Variants in TPH1 observed in about 807,000 individuals in gnomAD.
The protein encoded by TPH1 is tryptophan hydroxylase 1.
Under a neutral mutation model 49.5 loss-of-function variants are expected in TPH1, and 37 were observed. That is an observed-to-expected ratio of 0.75 (90% confidence interval 0.58 to 0.98). TPH1 has a LOEUF of 0.98. Ranked by LOEUF, TPH1 falls within the 50% of genes least tolerant of loss-of-function variation. The pLI is 0.00. For synonymous variants in TPH1, 160 were observed against 182.1 expected (o/e 0.88, Z 0.98); for missense variants, 487 against 523.6 (o/e 0.93, Z 0.68).
intron 6 of TPH1, 85 bp from the exon 7 acceptor site, chr11:18,026,710 G>C: frequency 6.6e-7 from 1 of 1,518,264 alleles, no homozygotes; most frequent in South Asian, 1.1e-5. Context: ...GTGGCACCAA[G>C]TAACACGTTG....
intron 1 of TPH1, among the ~76,000 whole-genome samples, chr11:18,044,374 A>T (rs1848123205): frequency 6.6e-6 from 1 of 152,094 alleles, no homozygotes; most frequent in Non-Finnish European, 1.5e-5. Flanking sequence ...GTGAGCCAGG[A>T]TCACGCCACT....
chr11:18,044,339 T>G (rs574291503), intron 1 of TPH1, among the ~76,000 whole-genome samples: 44 of 152,094 alleles, frequency 2.9e-4, no homozygotes, highest in South Asian at 8.3e-4. Flanking sequence ...GGAGAATGGC[T>G]TGAACCTGGG....
chr11:18,033,406 C>T (rs1848011911), intron 3 of TPH1, 32 bp from the exon 4 acceptor site: 2 of 1,479,170 alleles, frequency 1.4e-6, no homozygotes, highest in Non-Finnish European at 1.9e-6. Flanking sequence ...AAAATAAAAA[C>T]CAGTAAAAGT....
Position 18,025,575 on chromosome 11 carries a change from C to T in TPH1, c.930G>A (p.Thr310=), listed in dbSNP as rs755064047. 8.1e-6 allele frequency: 13 copies of T among 1,613,634 alleles called. No individual in the cohort carries two copies. The highest frequency in any genetic ancestry group is 2.2e-5 in the East Asian group (1 of 44,886). Residue 310 remains threonine (T), a splice_region_variant and synonymous_variant, in exon 8 of 11, where the codon ACG becomes ACA. Transcript: ENST00000682019. ...AATATAGCTAATTCCAGATTTATACCGTTGCCAGTTTTTGAACAGCCTCCT... is the reference window on the plus strand; with the variant it reads ...AATATAGCTAATTCCAGATTTATACTGTTGCCAGTTTTTGAACAGCCTCCT... ...ASEEAVQKLA[T]CYFFTVEFGL...
rs1333019867 is a variant in TPH1, at chr11:18,018,734, A to T, written c.*2257T>A. ...TTCCATTGTTCTGAAGTTGTGGATTATAAGGCTGTGCCTTTAACATTTATT... is the reference window on the plus strand; with the variant it reads ...TTCCATTGTTCTGAAGTTGTGGATTTTAAGGCTGTGCCTTTAACATTTATT... On this transcript the variant is annotated 3_prime_UTR_variant, in exon 11 of 11. Transcript: ENST00000682019. 7.1e-6 allele frequency: 1 copy of T among 141,340 alleles called. No homozygotes were observed. Among genetic ancestry groups the T allele is most frequent in the Non-Finnish European group, 1.5e-5 (1 of 65,248 alleles). The allele number at this position is 141,340 out of a possible 1,614,324, so 8.8% of individuals were successfully genotyped here.
In TPH1 at chr11:18,026,393, C is replaced by CAAAAAA. The variant is rs57335932; in HGVS notation, c.803+91_803+96dup. 143 of 588,640 alleles carry CAAAAAA rather than the reference C, an allele frequency of 2.4e-4. 5 individuals carry two copies. The highest frequency in any genetic ancestry group is 1.2e-3 in the Middle Eastern group (2 of 1,708). 36.5% of individuals were successfully genotyped at this position (588,640 alleles called of 1,614,324 possible). A position where few individuals can be genotyped will look rare whatever the true frequency, so the allele number is the denominator to read the frequency against. ...GCTAATTTATTTAATCCTCGCACAC[C>CAAAAAA]AAAAAAAAAAAAAAAAAAAAAAAAG... On this transcript the variant is annotated intron_variant, in intron 7 of 10. Coordinates refer to ENST00000682019, the MANE Select transcript of TPH1 (RefSeq NM_004179.3).
At chr11:18,030,202 A>G (rs1241116912) in intron 4 of TPH1, among the ~76,000 whole-genome samples, 2 of 152,126 alleles carry the variant, frequency 1.3e-5, no homozygotes, top group Non-Finnish European at 2.9e-5. Flanking sequence ...TGAGCCCAGG[A>G]GTTTGAGACC....
chr11:18,043,300 A>C (rs1483373297), intron 1 of TPH1, among the ~76,000 whole-genome samples: 1 of 152,128 alleles, frequency 6.6e-6, no homozygotes, highest in East Asian at 1.9e-4. Flanking sequence ...TTGGAATAAA[A>C]CTCTTCATAT....
intron 1 of TPH1, among the ~76,000 whole-genome samples, chr11:18,044,352 G>A (rs1239990959): frequency 6.6e-6 from 1 of 151,848 alleles, no homozygotes; most frequent in Admixed American, 6.6e-5. Context: ...AACCTGGGAG[G>A]CGGAGGTTGC....
chr11:18,035,620 G>T (rs1252983037), intron 3 of TPH1, among the ~76,000 whole-genome samples: 1 of 151,628 alleles, frequency 6.6e-6, no homozygotes, highest in East Asian at 1.9e-4. Flanking sequence ...GCACAGACTG[G>T]GTCTCTCCAT....
rs1479083796 is a variant in TPH1, at chr11:18,046,245, G to A, written c.-31C>T. On this transcript the variant is annotated 5_prime_UTR_variant, in exon 1 of 11. Transcript: ENST00000682019. ...GGGAAGGGCCGCCTCACTCACCTCG[G>A]GCGCCAGTAGGTGCAGGCTGGGTCG... 6.6e-6 allele frequency among the ~76,000 whole-genome samples: 1 copy of A among 152,122 alleles called. No homozygotes were observed. The highest frequency in any genetic ancestry group is 1.5e-5 in the Non-Finnish European group (1 of 68,014).
intron 4 of TPH1, among the ~76,000 whole-genome samples, chr11:18,032,595 G>T (rs1197665954): frequency 6.9e-6 from 1 of 144,638 alleles, no homozygotes; most frequent in African/African-American, 2.6e-5. Context: ...GCCCAGGCTG[G>T]AGTGCGGTCG....
chr11:18,030,270 T>C (rs2134029126), intron 4 of TPH1, among the ~76,000 whole-genome samples: 2 of 152,002 alleles, frequency 1.3e-5, no homozygotes, highest in Middle Eastern at 3.4e-3. Context: ...ATAACAATTA[T>C]AACTAGCCAA....
At chr11:18,037,021 G>A (rs1824252443) in intron 2 of TPH1, among the ~76,000 whole-genome samples, 1 of 152,132 alleles carries the variant, frequency 6.6e-6, no homozygotes, top group African/African-American at 2.4e-5. Context: ...AGAGAGAGTA[G>A]AAAGTTTCAT....
intron 1 of TPH1, chr11:18,041,127 T>C (rs1042809872): frequency 1.9e-5 from 4 of 207,426 alleles, no homozygotes; most frequent in Admixed American, 5.7e-5. Context: ...CTCCCCACCT[T>C]GCCCACAATC....
intron 2 of TPH1, among the ~76,000 whole-genome samples, chr11:18,038,543 G>A (rs753679161): frequency 1.2e-4 from 19 of 152,170 alleles, no homozygotes; most frequent in Admixed American, 2.6e-4. Context: ...TCTATCAGAA[G>A]AGAGAAATGG....
chr11:18,024,030 T>A (rs1285277461), intron 8 of TPH1, 47 bp from the exon 9 acceptor site: 15 of 1,406,276 alleles, frequency 1.1e-5, no homozygotes, highest in Non-Finnish European at 1.5e-5. Flanking sequence ...CGAATTCAAC[T>A]TAAAACAAAT....
chr11:18,021,015 C>T lies in TPH1; in HGVS notation c.1311G>A (p.Lys437=). The change falls in exon 11 of 11, where the codon AAG becomes AAA. Residue 437 remains lysine, a synonymous_variant. Transcript: ENST00000682019. ...DLDVVSDALA[K]VSRKPSI Reference sequence around the variant, plus strand: ...GTTAGATACTCGGCTTCCTGCTGACCTTAGCAAGGGCATCACTGACAACAT... The same window carrying T: ...GTTAGATACTCGGCTTCCTGCTGACTTTAGCAAGGGCATCACTGACAACAT... The T allele has an allele frequency of 6.2e-7, 1 of 1,613,998 alleles. No individual in the cohort carries two copies. Among genetic ancestry groups the T allele is most frequent in the Non-Finnish European group, 8.5e-7 (1 of 1,179,960 alleles).
intron 7 of TPH1, among the ~76,000 whole-genome samples, chr11:18,025,964 C>G (rs560285892): frequency 2.0e-5 from 3 of 152,012 alleles, no homozygotes; most frequent in Non-Finnish European, 4.4e-5. Flanking sequence ...ACACCCAACC[C>G]CACCACATAC....
Sources: allele counts gnomAD v4.1 joint callset (sites outside exome capture counted in the v4.1 genomes callset), GRCh38; gene constraint gnomAD v4.1.1; transcripts MANE v1.5; gene names NCBI Gene and HGNC (gene_info 2026-07-23, HGNC 2026-07-21).